Variants in TESMIN observed in about 807,000 individuals in gnomAD.
TESMIN encodes the protein CXC domain containing 2.
Under a neutral mutation model 47.4 loss-of-function variants are expected in TESMIN, and 34 were observed. That is an observed-to-expected ratio of 0.72 (90% CI 0.55 to 0.96). The LOEUF (loss-of-function observed/expected upper bound fraction) is 0.96. Among genes scored for constraint, TESMIN ranks in the 40% least tolerant of loss-of-function variants. The pLI is 0.00. For missense variants in TESMIN, 610 were observed against 637.2 expected (o/e 0.96, Z 0.46); for synonymous variants, 278 against 258.9 (o/e 1.07, Z -0.71).
At chr11:68,730,259 G>A (rs2153991614) in intron 6 of TESMIN, among the ~76,000 whole-genome samples, 1 of 152,310 alleles carries the variant, frequency 6.6e-6, no homozygotes, top group East Asian at 1.9e-4. Context: ...GCTTTATTGT[G>A]ATTTGCTCTG....
chr11:68,742,212 A>C, intron 5 of TESMIN, 106 bp downstream of exon 5: 7 of 740,206 alleles, frequency 9.5e-6, no homozygotes, highest in Non-Finnish European at 1.5e-5. Context: ...TTTGACTTTT[A>C]AATGGAAAAT....
chr11:68,713,809 T>C (rs1946101830), intron 7 of TESMIN, among the ~76,000 whole-genome samples: 1 of 152,186 alleles, frequency 6.6e-6, no homozygotes, highest in Admixed American at 6.5e-5. Flanking sequence ...CAACACACCA[T>C]GTGCCAGGCT....
Position 68,747,241 on chromosome 11 carries a change from G to C in TESMIN, c.597C>G (p.Ser199=). 3.1e-6 allele frequency: 5 copies of C among 1,614,218 alleles called. No homozygotes were observed. Among genetic ancestry groups the C allele is most frequent in the Non-Finnish European group, 4.2e-6 (5 of 1,180,020 alleles). The change falls in exon 3 of 10, where the codon TCC becomes TCG. Residue 199 remains serine (S), a synonymous_variant. Transcript: ENST00000255087. ...TGGAATCTTTCTTAAGAGAACAGCA[G>C]GAGGCATCCTCTAGTTCCTGGGACG... is the stretch of plus-strand genomic sequence containing the variant. ...FPSSQELEDA[S]CCSLKKDSNP... is the part of the protein sequence containing the mutation.
At chr11:68,732,567 T>G (rs899429748) in intron 6 of TESMIN, 3 of 153,138 alleles carry the variant, frequency 2.0e-5, no homozygotes, top group Non-Finnish European at 4.4e-5. Context: ...ATCTGACATC[T>G]CCATCTGGGA....
chr11:68,750,903 AGGGGAGGGGCGACC>A (rs1946594095), intron 1 of TESMIN, among the ~76,000 whole-genome samples: 1 of 24,690 alleles, frequency 4.1e-5, no homozygotes, highest in Non-Finnish European at 8.0e-5. Flanking sequence ...TGAGGGGGTC[AGGGGAGGGGCGACC>A]AGATGAGGGG....
Position 68,717,848 on chromosome 11 carries a change from T to A in TESMIN, c.918-1909A>T, listed in dbSNP as rs190120019. Among the ~76,000 whole-genome samples the A allele has an allele frequency of 3.9e-5, 6 of 152,216 alleles. No individual in the cohort carries two copies. The East Asian group carries it at 1.2e-3, about 29-fold the overall frequency. ...AAGTGACTCTCTTGGAGCAAAACCA[T>A]TGGGCGTGGGATATGATAATGAACA... On this transcript the variant is annotated intron_variant, in intron 6 of 9. Coordinates refer to ENST00000255087, the MANE Select transcript of TESMIN (RefSeq NM_004923.3).
intron 6 of TESMIN, among the ~76,000 whole-genome samples, chr11:68,719,090 G>A (rs923596877): frequency 1.3e-5 from 2 of 152,198 alleles, no homozygotes; most frequent in Admixed American, 1.3e-4. Flanking sequence ...TGATAGTAGA[G>A]GGGGGTCCAA....
intron 5 of TESMIN, among the ~76,000 whole-genome samples, chr11:68,739,378 C>G (rs1030212830): frequency 5.3e-5 from 8 of 152,170 alleles, no homozygotes; most frequent in African/African-American, 1.9e-4. Flanking sequence ...AAGGAACAGG[C>G]AGCAAAGCCA....
chr11:68,742,903 A>G (rs576724522), intron 4 of TESMIN, among the ~76,000 whole-genome samples: 1 of 150,024 alleles, frequency 6.7e-6, no homozygotes, highest in Non-Finnish European at 1.5e-5. Flanking sequence ...TTGAGATAGG[A>G]TCTTGCTCTG....
At chr11:68,719,769 G>C in intron 6 of TESMIN, among the ~76,000 whole-genome samples, 1 of 152,192 alleles carries the variant, frequency 6.6e-6, no homozygotes, top group Admixed American at 6.5e-5. Flanking sequence ...AATTAGTCTA[G>C]ATGCAGCACA....
At chr11:68,710,597 G>A in intron 9 of TESMIN, 1 of 387,270 alleles carries the variant, frequency 2.6e-6, no homozygotes, top group Non-Finnish European at 4.6e-6. Context: ...GATCCTGGCA[G>A]CAGGGCTCTT....
At chr11:68,741,457 T>TC (rs1236252273) in intron 5 of TESMIN, among the ~76,000 whole-genome samples, 1 of 152,052 alleles carries the variant, frequency 6.6e-6, no homozygotes, top group Non-Finnish European at 1.5e-5. Flanking sequence ...CAAATCCCCA[T>TC]CCCCCCAATC....
chr11:68,740,561 G>A (rs987063245), intron 5 of TESMIN, among the ~76,000 whole-genome samples: 12 of 152,306 alleles, frequency 7.9e-5, no homozygotes, highest in Non-Finnish European at 1.2e-4. Flanking sequence ...GGCCAGCAGC[G>A]TGGAGGGGGC....
At chr11:68,709,149 C>T (rs1460449374) in intron 9 of TESMIN, among the ~76,000 whole-genome samples, 1 of 151,972 alleles carries the variant, frequency 6.6e-6, no homozygotes, top group Non-Finnish European at 1.5e-5. Context: ...TAAATCTGTC[C>T]GTTTTTGACA....
At chr11:68,716,010 C>T (rs1344280054) in intron 6 of TESMIN, 71 bp from the exon 7 acceptor site, 16 of 1,022,964 alleles carry the variant, frequency 1.6e-5, no homozygotes, top group Non-Finnish European at 2.1e-5. Context: ...AGAGCACACA[C>T]GTGTAAGGAA....
intron 4 of TESMIN, among the ~76,000 whole-genome samples, chr11:68,744,231 G>A (rs745314566): frequency 6.6e-6 from 1 of 152,208 alleles, no homozygotes; most frequent in Admixed American, 6.5e-5. Flanking sequence ...TTAGTTTCAA[G>A]TTATAGGCAA....
intron 6 of TESMIN, among the ~76,000 whole-genome samples, chr11:68,720,821 A>G (rs1946195752): frequency 6.6e-6 from 1 of 152,184 alleles, no homozygotes; most frequent in South Asian, 2.1e-4. Flanking sequence ...TTTATTGTGG[A>G]ATTTTTAAAA....
At position 68,750,477 on chromosome 11, in the gene TESMIN, G is replaced by T; in HGVS notation, c.184C>A (p.Pro62Thr). Residue 62 changes from proline (P) to threonine (T), a missense_variant, in exon 2 of 10, where the codon CCC becomes ACC. Transcript: ENST00000255087. ...AYLGPADPKE[P>T]VLHAFNPALG... ...GCGGGGTTGAACGCGTGCAGGACGG[G>T]TTCCTTGGGGTCCGCCGGGCCCAGG... 6.2e-7 allele frequency: 1 copy of T among 1,601,708 alleles called. No homozygotes were observed. Among genetic ancestry groups the T allele is most frequent in the African/African-American group, 1.3e-5 (1 of 74,616 alleles).
chr11:68,745,335 T>C (rs938127070), intron 3 of TESMIN, among the ~76,000 whole-genome samples: 1 of 134,136 alleles, frequency 7.5e-6, no homozygotes, highest in African/African-American at 2.8e-5. Context: ...AACCCAGAAA[T>C]GTTTCCTGAG....
Sources: gnomAD v4.1 joint callset for allele counts (sites outside exome capture counted in the v4.1 genomes callset) on GRCh38, gnomAD v4.1.1 for gene constraint, MANE v1.5 for transcripts, NCBI Gene and HGNC (gene_info 2026-07-23, HGNC 2026-07-21) for gene names.